PLA2R1: variants seen among roughly 807,000 people sequenced by gnomAD.
PLA2R1 encodes secretory phospholipase A2 receptor.
In PLA2R1, 158 loss-of-function variants were observed where a neutral mutation model predicts 195.9. The ratio of observed to expected loss-of-function variants is 0.81; its 90% CI spans 0.71 to 0.92. The LOEUF (loss-of-function observed/expected upper bound fraction) is 0.92. Ranked by LOEUF, PLA2R1 falls within the 40% of genes least tolerant of loss-of-function variation. The pLI, the probability that PLA2R1 is intolerant of heterozygous loss-of-function variation, is 0.00. For synonymous variants in PLA2R1, 586 were observed against 598.2 expected, an observed-to-expected ratio of 0.98 and a Z score of 0.30; for missense variants, 1,626 against 1,764.6, an observed-to-expected ratio of 0.92 and a Z score of 1.41.
intron 24 of PLA2R1, 106 bp from the exon 25 acceptor site, chr2:159,949,882 C>A: frequency 1.2e-6 from 1 of 844,020 alleles, no homozygotes; most frequent in Non-Finnish European, 1.9e-6. Context: ...TATTTCTGCA[C>A]ACCTTTTTAA....
At chr2:160,029,061 G>A in intron 4 of PLA2R1, 98 bp from the exon 5 acceptor site, 3 of 700,900 alleles carry the variant, frequency 4.3e-6, no homozygotes, top group Non-Finnish European at 7.8e-6. Context: ...ACTAATTCCA[G>A]TCAATGACGG....
intron 11 of PLA2R1, among the ~76,000 whole-genome samples, chr2:159,993,657 T>G (rs147079823): frequency 6.6e-6 from 1 of 151,912 alleles, no homozygotes; most frequent in Non-Finnish European, 1.5e-5. Context: ...TCATACCAGA[T>G]AGCAAGGACA....
chr2:160,001,428 G>A (rs1490658026), intron 11 of PLA2R1, among the ~76,000 whole-genome samples: 3 of 151,742 alleles, frequency 2.0e-5, no homozygotes, highest in Non-Finnish European at 4.4e-5. Context: ...TAAATGGAAA[G>A]GACATAATAA....
In PLA2R1 at chr2:160,033,047, G is replaced by C; in HGVS notation, c.753C>G (p.Leu251=). 1 of 1,613,470 alleles carries C rather than the reference G, an allele frequency of 6.2e-7. No homozygotes were observed. ...ICYQFNLLSS[L]SWSEAHSSCQ... The stretch of plus-strand genomic sequence containing the variant: ...ATGAAGAATGTGCCTCACTCCAAGA[G>C]AGAGATGAAAGCAGGTTGAACTGGT... Residue 251 remains leucine (L), a synonymous_variant, in exon 4 of 30, where the codon CTC becomes CTG. Transcript: ENST00000283243.
At chr2:159,946,998 T>C (rs767505259) in intron 26 of PLA2R1, 81 bp from the exon 27 acceptor site, 2 of 888,448 alleles carry the variant, frequency 2.3e-6, no homozygotes, top group Non-Finnish European at 1.7e-6. Flanking sequence ...TACTATTAAT[T>C]GTAAAGCTCA....
At chr2:160,013,666 CCTCTCTCTTT>C (rs1249374282) in intron 9 of PLA2R1, among the ~76,000 whole-genome samples, 6 of 95,106 alleles carry the variant, frequency 6.3e-5, no homozygotes, top group East Asian at 3.0e-4. Flanking sequence ...AAGATCTCTA[CCTCTCTCTTT>C]CTCTCTCTCT....
rs1285322975 is a variant in PLA2R1 at position 159,933,971 on chromosome 2, C to T, written c.*7807G>A. On this transcript the variant is annotated 3_prime_UTR_variant, in exon 30 of 30. Transcript: ENST00000283243. ...TGAGTGAATGGGGATGGCAGCATCC[C>T]AATAACTTTATTTCCAAAATAGGCT... The T allele has an allele frequency of 6.6e-6, 1 of 152,182 alleles. No individual in the cohort carries two copies. The highest frequency in any genetic ancestry group is 2.4e-5 in the African/African-American group (1 of 41,440). 9.4% of individuals were successfully genotyped at this position (152,182 alleles called of 1,614,324 possible). A position where few individuals can be genotyped will look rare whatever the true frequency, so the allele number is the denominator to read the frequency against.
chr2:160,042,794 TGTGTGC>T lies in PLA2R1; in HGVS notation c.494-602_494-597del, dbSNP rs1441442823. ...GGATGAGAAGACAGAGTGGGGTGTGTGTGTGCGTGTGTGTGTGTGTGTGTGTGTGTG... is the reference window on the plus strand; with the variant it reads ...GGATGAGAAGACAGAGTGGGGTGTGTGTGTGTGTGTGTGTGTGTGTGTGTG... On this transcript the variant is annotated intron_variant, in intron 2 of 29. Coordinates refer to ENST00000283243, the MANE Select transcript of PLA2R1 (RefSeq NM_007366.5). 1.9e-4 allele frequency among the ~76,000 whole-genome samples: 14 copies of T among 72,134 alleles called. No homozygotes were observed. In the South Asian group the frequency reaches 4.5e-3, roughly 23 times the overall value. 47.3% of individuals were successfully genotyped at this position (72,134 alleles called of 152,430 possible).
At chr2:159,970,979 C>A (rs1182143168) in intron 17 of PLA2R1, among the ~76,000 whole-genome samples, 1 of 151,666 alleles carries the variant, frequency 6.6e-6, no homozygotes, top group East Asian at 1.9e-4. Context: ...GGAGGGATAG[C>A]ATTAGGGGAA....
chr2:159,997,075 T>TAAAA (rs1691262779), intron 11 of PLA2R1, among the ~76,000 whole-genome samples: 1 of 152,158 alleles, frequency 6.6e-6, no homozygotes, highest in Non-Finnish European at 1.5e-5. Flanking sequence ...TCTTGCCTTT[T>TAAAA]AGCATGTCTT....
chr2:159,979,364 A>T (rs914516256), intron 14 of PLA2R1, among the ~76,000 whole-genome samples: 5 of 152,162 alleles, frequency 3.3e-5, no homozygotes, highest in Admixed American at 6.6e-5. Context: ...CTTGCTCTAG[A>T]AGGTGATATT....
At chr2:159,972,168 C>T (rs1256985587) in intron 17 of PLA2R1, among the ~76,000 whole-genome samples, 2 of 152,114 alleles carry the variant, frequency 1.3e-5, no homozygotes. Context: ...ATTACCACCT[C>T]AATTATGGCG....
At chr2:159,996,021 G>T (rs1189299786) in intron 11 of PLA2R1, among the ~76,000 whole-genome samples, 6 of 152,086 alleles carry the variant, frequency 3.9e-5, no homozygotes, top group African/African-American at 1.4e-4. Flanking sequence ...TCTCACCTAT[G>T]TCTGAATATA....
chr2:159,968,611 G>A (rs569920644), intron 19 of PLA2R1, among the ~76,000 whole-genome samples: 3 of 152,198 alleles, frequency 2.0e-5, no homozygotes, highest in Admixed American at 6.5e-5. Context: ...TGGGGCACAG[G>A]TTAGTTATGA....
At chr2:159,997,356 C>T (rs1419835384) in intron 11 of PLA2R1, among the ~76,000 whole-genome samples, 1 of 152,032 alleles carries the variant, frequency 6.6e-6, no homozygotes, top group African/African-American at 2.4e-5. Context: ...ATAGAGCTGG[C>T]TGGAGTTGCA....
chr2:159,956,536 A>G lies in PLA2R1; in HGVS notation c.2996T>C (p.Val999Ala), dbSNP rs1283644755. 6.2e-7 allele frequency: 1 copy of G among 1,612,548 alleles called. No homozygotes were observed. The highest frequency in any genetic ancestry group is 8.5e-7 in the Non-Finnish European group (1 of 1,178,580). Residue 999 changes from valine to alanine, a missense_variant, in exon 21 of 30, where the codon GTC (valine) becomes GCC (alanine). Physicochemically the swap from Val to Ala is moderately conservative, Grantham distance 64 (BLOSUM62 0). Coordinates refer to ENST00000283243, the MANE Select transcript of PLA2R1 (RefSeq NM_007366.5). ...HFCAEEGGTL[V>A]AIESEVEQAF... ...TTGCTCCACCTCACTTTCAATGGCG[A>G]CCAGGGTCCCCCCTTCTTCAGCACA...
intron 20 of PLA2R1, among the ~76,000 whole-genome samples, chr2:159,959,610 CTTT>C (rs1688306192): frequency 6.6e-6 from 1 of 152,112 alleles, no homozygotes; most frequent in Admixed American, 6.6e-5. Context: ...ATATAAAATT[CTTT>C]TTTGTCTCAA....
intron 3 of PLA2R1, among the ~76,000 whole-genome samples, chr2:160,038,560 A>G (rs1210470435): frequency 3.9e-5 from 6 of 152,206 alleles, no homozygotes; most frequent in Admixed American, 3.9e-4. Flanking sequence ...AAGGGAGGAA[A>G]TAAAGATGGG....
chr2:159,965,773 G>A (rs1176060925), intron 20 of PLA2R1, among the ~76,000 whole-genome samples: 1 of 152,198 alleles, frequency 6.6e-6, no homozygotes, highest in Non-Finnish European at 1.5e-5. Context: ...GTGAATGAGA[G>A]CTCCTGTTGT....
Sources: gnomAD v4.1 joint callset for allele counts (sites outside exome capture counted in the v4.1 genomes callset) on GRCh38, gnomAD v4.1.1 for gene constraint, MANE v1.5 for transcripts, NCBI Gene and HGNC (gene_info 2026-07-23, HGNC 2026-07-21) for gene names.